The following COG5 variants were observed in gnomAD, a reference collection of about 807,000 sequenced individuals.
COG5 encodes the protein component of oligomeric golgi complex 5, also known as conserved oligomeric Golgi complex subunit 5.
COG5 carries 86 observed loss-of-function variants against 110.4 expected under a neutral mutation model. The observed-to-expected ratio is 0.78, with a 90% confidence interval of 0.65 to 0.93. COG5 has a LOEUF of 0.93. Among genes scored for constraint, COG5 ranks in the 40% least tolerant of loss-of-function variants. The probability of loss-of-function intolerance (pLI) is 0.00; values close to 1 mark genes in which losing one functional copy is unlikely to be tolerated. For missense variants in COG5, 1,077 were observed against 987.0 expected, an observed-to-expected ratio of 1.09 and a Z score of -1.22; for synonymous variants, 360 against 334.6, an observed-to-expected ratio of 1.08 and a Z score of -0.83.
intron 6 of COG5, among the ~76,000 whole-genome samples, chr7:107,467,039 TGTCATA>T (rs757506764): frequency 3.9e-5 from 6 of 152,240 alleles, no homozygotes; most frequent in Non-Finnish European, 8.8e-5. Flanking sequence ...TAAATTACTC[TGTCATA>T]GTCACGGTTG....
At chr7:107,300,161 T>C (rs542262191) in intron 11 of COG5, among the ~76,000 whole-genome samples, 22 of 152,104 alleles carry the variant, frequency 1.4e-4, no homozygotes, top group African/African-American at 5.3e-4. Flanking sequence ...CTCAGTCAAC[T>C]AGGAACAGAA....
intron 6 of COG5, among the ~76,000 whole-genome samples, chr7:107,503,267 A>G (rs1228877844): frequency 2.6e-5 from 4 of 151,972 alleles, no homozygotes; most frequent in Admixed American, 6.6e-5. Flanking sequence ...TCTTTCCCCA[A>G]TTTATGTTTT....
intron 10 of COG5, among the ~76,000 whole-genome samples, chr7:107,352,868 T>A (rs1812287524): frequency 6.6e-6 from 1 of 152,138 alleles, no homozygotes; most frequent in Admixed American, 6.6e-5. Flanking sequence ...ATATCTATAA[T>A]CCCCCACACA....
intron 6 of COG5, among the ~76,000 whole-genome samples, chr7:107,526,478 G>A (rs1417044377): frequency 6.6e-6 from 1 of 152,102 alleles, no homozygotes; most frequent in Non-Finnish European, 1.5e-5. Flanking sequence ...AGAAAAGAAT[G>A]AACAAAGAAA....
At chr7:107,345,331 C>T (rs1811506136) in intron 10 of COG5, among the ~76,000 whole-genome samples, 1 of 152,012 alleles carries the variant, frequency 6.6e-6, no homozygotes, top group South Asian at 2.1e-4. Flanking sequence ...CACAAATGAG[C>T]ATATGTTGGA....
At chr7:107,418,611 TG>T (rs1260606610) in intron 6 of COG5, among the ~76,000 whole-genome samples, 1 of 141,532 alleles carries the variant, frequency 7.1e-6, no homozygotes, top group East Asian at 1.9e-4. Flanking sequence ...AGTCATGGCT[TG>T]CTTTTTTTTT....
At chr7:107,490,425 CT>C (rs921862217) in intron 6 of COG5, among the ~76,000 whole-genome samples, 3 of 151,670 alleles carry the variant, frequency 2.0e-5, no homozygotes, top group African/African-American at 4.8e-5. Flanking sequence ...AAAATACCAT[CT>C]TTTTTTTTCC....
intron 7 of COG5, among the ~76,000 whole-genome samples, chr7:107,402,749 G>A (rs1179046767): frequency 6.6e-6 from 1 of 152,210 alleles, no homozygotes; most frequent in African/African-American, 2.4e-5. Flanking sequence ...TGCTGTGACA[G>A]ACTGCCTATA....
chr7:107,207,125 T>C (rs1798839932), intron 21 of COG5, among the ~76,000 whole-genome samples: 1 of 152,216 alleles, frequency 6.6e-6, no homozygotes, highest in Admixed American at 6.5e-5. Context: ...TCAATGTGAT[T>C]AGTAAGTACT....
chr7:107,462,841 G>A (rs996655197), intron 6 of COG5, among the ~76,000 whole-genome samples: 5 of 152,154 alleles, frequency 3.3e-5, no homozygotes, highest in Admixed American at 2.6e-4. Context: ...CTGTCTGACT[G>A]GCAACTATAA....
Position 107,362,370 on chromosome 7 carries a change from G to T in COG5, c.886C>A (p.Arg296Ser). Residue 296 changes from arginine to serine, a missense_variant, in exon 9 of 22, where the codon CGT (arginine) becomes AGT (serine). Physicochemically the swap from Arg to Ser is moderately radical, Grantham distance 110 (BLOSUM62 -1). Transcript: ENST00000297135. ...TCCATATTGGTCCAGAATGAGGCAC[G>T]CAAAGCTGCAGTATTTCCTGGGGTT... is the stretch of plus-strand genomic sequence containing the variant. ...MPTPGNTAALRASFWTNMEKL... is the reference protein window; with the variant it reads ...MPTPGNTAALSASFWTNMEKL... 6.2e-7 allele frequency: 1 copy of T among 1,613,870 alleles called. No individual in the cohort carries two copies. Among genetic ancestry groups the T allele is most frequent in the South Asian group, 1.1e-5 (1 of 91,078 alleles).
chr7:107,534,530 ACTGTT>A (rs1801442260), intron 5 of COG5, among the ~76,000 whole-genome samples: 4 of 151,316 alleles, frequency 2.6e-5, no homozygotes, highest in Non-Finnish European at 5.9e-5. Context: ...CTAGTCTCTG[ACTGTT>A]TAGACTTTAA....
intron 7 of COG5, among the ~76,000 whole-genome samples, chr7:107,408,793 C>T (rs1792058073): frequency 6.6e-6 from 1 of 152,078 alleles, no homozygotes; most frequent in South Asian, 2.1e-4. Context: ...CTATCAAATG[C>T]AATGAAGGTT....
At chr7:107,439,145 T>C (rs1419338534) in intron 6 of COG5, among the ~76,000 whole-genome samples, 3 of 152,214 alleles carry the variant, frequency 2.0e-5, no homozygotes, top group Non-Finnish European at 4.4e-5. Flanking sequence ...CACTAGGTTC[T>C]ATGCCCTCCT....
rs143888088 is a variant in COG5, at chr7:107,474,404, G to C, written c.538+52833C>G. 1.9e-6 allele frequency: 3 copies of C among 1,612,670 alleles called. No individual in the cohort carries two copies. The African/African-American group carries it at 4.0e-5, about 22-fold the overall frequency. Reference sequence around the variant, plus strand: ...CTGGAGAGTAACACTGCTCTCATTTGCTGTTTCCATGAGGCTTGTGTATCT... The same window carrying C: ...CTGGAGAGTAACACTGCTCTCATTTCCTGTTTCCATGAGGCTTGTGTATCT... On this transcript the variant is annotated intron_variant, in intron 6 of 21. Coordinates refer to ENST00000297135, the MANE Select transcript of COG5 (RefSeq NM_006348.5). This position sits in a 1 kb window ranked among gnomAD's most constrained non-coding sequence, Gnocchi z 5.7.
chr7:107,283,828 C>T lies in COG5; in HGVS notation c.1314-96G>A, dbSNP rs1805393460. ...AATACCTTTTTAAAAAATGCACCTC[C>T]CATAAAAATGTAACTCTATATTAAG... On this transcript the variant is annotated intron_variant, in intron 12 of 21. Coordinates refer to ENST00000297135, the MANE Select transcript of COG5 (RefSeq NM_006348.5). 1.3e-5 allele frequency: 11 copies of T among 844,310 alleles called. No homozygotes were observed. In the South Asian group the frequency reaches 1.6e-4, roughly 12 times the overall value. 52.3% of individuals were successfully genotyped at this position (844,310 alleles called of 1,614,324 possible). A position where few individuals can be genotyped will look rare whatever the true frequency, so the allele number is the denominator to read the frequency against.
chr7:107,208,288 G>C, intron 21 of COG5: 1 of 985,394 alleles, frequency 1.0e-6, no homozygotes, highest in Non-Finnish European at 1.2e-6. Context: ...TTCTGAGCAT[G>C]ATTTTCAGTT....
At chr7:107,300,455 T>G (rs1035904171) in intron 11 of COG5, among the ~76,000 whole-genome samples, 2 of 152,150 alleles carry the variant, frequency 1.3e-5, no homozygotes, top group African/African-American at 4.8e-5. Flanking sequence ...GCTACTAGAG[T>G]TAACATAATA....
chr7:107,497,574 C>T (rs1798358288), intron 6 of COG5, among the ~76,000 whole-genome samples: 1 of 151,972 alleles, frequency 6.6e-6, no homozygotes, highest in Non-Finnish European at 1.5e-5. Flanking sequence ...ATACTAGGAA[C>T]AGACTTAAGT....
Sources: gnomAD v4.1 joint callset for allele counts (sites outside exome capture counted in the v4.1 genomes callset) on GRCh38, gnomAD v4.1.1 for gene constraint, Gnocchi (gnomAD v3.1) non-coding constraint, MANE v1.5 for transcripts, NCBI Gene and HGNC (gene_info 2026-07-23, HGNC 2026-07-21) for gene names.